Variants in C2orf69 observed in about 807,000 individuals in gnomAD.
The protein encoded by C2orf69 is mitochondrial protein C2orf69.
Under a neutral mutation model 29.5 loss-of-function variants are expected in C2orf69, and 19 were observed. The ratio of observed to expected loss-of-function variants is 0.65; its 90% CI spans 0.45 to 0.95. The LOEUF is 0.95. Ranked by LOEUF, C2orf69 falls within the 40% of genes least tolerant of loss-of-function variation. C2orf69 has a pLI of 0.00. For synonymous variants in C2orf69, 194 were observed against 180.0 expected, an observed-to-expected ratio of 1.08 and a Z score of -0.62; for missense variants, 416 against 482.1, an observed-to-expected ratio of 0.86 and a Z score of 1.28.
rs1196385075 is a variant in C2orf69 at position 199,925,120 on chromosome 2, T to C, written c.392T>C (p.Leu131Pro). 2 of 1,613,042 alleles carry C rather than the reference T, an allele frequency of 1.2e-6. No individual in the cohort carries two copies. Among genetic ancestry groups the C allele is most frequent in the Admixed American group, 1.7e-5 (1 of 59,954 alleles). Residue 131 changes from leucine (L) to proline (P), a missense_variant, in exon 2 of 2, where the codon CTA becomes CCA. Leu to Pro is a moderately conservative substitution (Grantham distance 98). Transcript: ENST00000319974. This position sits in a 1 kb window ranked among gnomAD's most constrained non-coding sequence, Gnocchi z 4.9. ...AATTATCAATGGGAAAACTGGAGTCTAGAAAATGTTGCTACCATTTTAGCC... is the reference window on the plus strand; with the variant it reads ...AATTATCAATGGGAAAACTGGAGTCCAGAAAATGTTGCTACCATTTTAGCC... ...PENYQWENWS[L>P]ENVATILAHR...
chr2:199,924,930 T>C, intron 1 of C2orf69, 132 bp from the exon 2 acceptor site: 1 of 598,846 alleles, frequency 1.7e-6, no homozygotes. Flanking sequence ...TTTATAGTTT[T>C]CATTTCTAGT....
In C2orf69 at chr2:199,926,421, CAT is replaced by C; in HGVS notation, c.*536_*537del. The C allele has an allele frequency of 6.4e-6, 1 of 155,508 alleles. No homozygotes were observed. Among genetic ancestry groups the C allele is most frequent in the South Asian group, 1.9e-4 (1 of 5,150 alleles). The allele number at this position is 155,508 out of a possible 1,614,324, so 9.6% of individuals were successfully genotyped here. The stretch of plus-strand genomic sequence containing the variant: ...TTCATGTGTCACCAAGTACTTTTCT[CAT>C]GAGAGTCAACATATATTTGTTTCCA... On this transcript the variant is annotated 3_prime_UTR_variant, in exon 2 of 2. Coordinates refer to ENST00000319974, the MANE Select transcript of C2orf69 (RefSeq NM_153689.6).
At chr2:199,916,786 G>GC (rs2077294356) in intron 1 of C2orf69, among the ~76,000 whole-genome samples, 1 of 152,180 alleles carries the variant, frequency 6.6e-6, no homozygotes. Flanking sequence ...GCAGGGTACA[G>GC]CCCCCCTCCA....
At position 199,928,233 on chromosome 2, in the gene C2orf69, G is replaced by C. The variant is rs1364275484; in HGVS notation, c.*2347G>C. 1 of 152,544 alleles carries C rather than the reference G, an allele frequency of 6.6e-6. No individual in the cohort carries two copies. Among genetic ancestry groups the C allele is most frequent in the African/African-American group, 2.4e-5 (1 of 41,412 alleles). The allele number at this position is 152,544 out of a possible 1,614,324, so 9.4% of individuals were successfully genotyped here. A position where few individuals can be genotyped will look rare whatever the true frequency, so the allele number is the denominator to read the frequency against. On this transcript the variant is annotated 3_prime_UTR_variant, in exon 2 of 2. Transcript: ENST00000319974. Reference sequence around the variant, plus strand: ...TAATGTGAAAGTTGTTACCACCACAGCATGAATGTATAATTGTATTAAAAT... The same window carrying C: ...TAATGTGAAAGTTGTTACCACCACACCATGAATGTATAATTGTATTAAAAT...
At chr2:199,917,414 C>T (rs181938758) in intron 1 of C2orf69, among the ~76,000 whole-genome samples, 2 of 152,212 alleles carry the variant, frequency 1.3e-5, no homozygotes, top group Non-Finnish European at 2.9e-5. Flanking sequence ...TTTATAGCAT[C>T]GTCAGGTTGC....
rs1488371769 is a variant in C2orf69 at position 199,924,918 on chromosome 2, A to G, written c.334-144A>G. On this transcript the variant is annotated intron_variant, in intron 1 of 1. Coordinates refer to ENST00000319974, the MANE Select transcript of C2orf69 (RefSeq NM_153689.6). ...ATCTTATTACTAGAAAGTAATGACA[A>G]ATTTATAGTTTTCATTTCTAGTGTA... 13 of 590,644 alleles carry G rather than the reference A, an allele frequency of 2.2e-5. No homozygotes were observed. In the Middle Eastern group the frequency reaches 1.3e-3, roughly 60 times the overall value. The allele number at this position is 590,644 out of a possible 1,614,324, so 36.6% of individuals were successfully genotyped here. A position where few individuals can be genotyped will look rare whatever the true frequency, so the allele number is the denominator to read the frequency against.
intron 1 of C2orf69, among the ~76,000 whole-genome samples, chr2:199,913,255 TAA>T (rs2077277769): frequency 2.1e-5 from 2 of 94,386 alleles, no homozygotes; most frequent in Non-Finnish European, 3.7e-5. Context: ...ATATATTATA[TAA>T]AATATATTCT....
At position 199,925,158 on chromosome 2, in the gene C2orf69, A is replaced by T. The variant is rs186306624; in HGVS notation, c.430A>T (p.Asn144Tyr). The T allele has an allele frequency of 4.3e-4, 694 of 1,613,128 alleles. 4 individuals carry two copies. The highest frequency in any genetic ancestry group is 3.8e-3 in the South Asian group (348 of 91,040). Reference protein sequence around the residue: ...VATILAHRFPNSYIWVIKCSR... With the variant: ...VATILAHRFPYSYIWVIKCSR... ...TACCATTTTAGCCCACCGGTTCCCC[A>T]ATAGTTATATTTGGGTGATAAAATG... The change falls in exon 2 of 2, where the codon AAT (asparagine) becomes TAT (tyrosine). Residue 144 changes from asparagine to tyrosine, a missense_variant. This residue lies in a region of C2orf69 where 225 missense variants were observed against 307.3 expected (regional missense o/e 0.73). Transcript: ENST00000319974. The surrounding 1 kb of genome is among the most constrained non-coding windows in gnomAD (Gnocchi z 4.9).
intron 1 of C2orf69, among the ~76,000 whole-genome samples, chr2:199,912,385 G>A (rs1405930987): frequency 6.6e-6 from 1 of 152,154 alleles, no homozygotes; most frequent in Non-Finnish European, 1.5e-5. Flanking sequence ...ATGTTGCCCT[G>A]AAAACTGGGT....
At chr2:199,912,583 T>G (rs1278049966) in intron 1 of C2orf69, among the ~76,000 whole-genome samples, 2 of 152,162 alleles carry the variant, frequency 1.3e-5, no homozygotes, top group African/African-American at 4.8e-5. Context: ...TCATAGAAAA[T>G]AATCCATCAT....
rs2077331702 is a variant in C2orf69, at chr2:199,925,362, A to G, written c.634A>G (p.Lys212Glu). ...LSKKSLNVWN[K>E]DSIASNCRSS... ...AAAGAAAAGTTTGAATGTTTGGAATAAGGACTCCATAGCATCTAACTGTAG... is the reference window on the plus strand; with the variant it reads ...AAAGAAAAGTTTGAATGTTTGGAATGAGGACTCCATAGCATCTAACTGTAG... The change falls in exon 2 of 2, where the codon AAG becomes GAG. Residue 212 changes from lysine (K) to glutamate (E), a missense_variant. Transcript: ENST00000319974. This position sits in a 1 kb window ranked among gnomAD's most constrained non-coding sequence, Gnocchi z 4.9. The G allele has an allele frequency of 6.2e-7, 1 of 1,613,696 alleles. No homozygotes were observed. The highest frequency in any genetic ancestry group is 8.5e-7 in the Non-Finnish European group (1 of 1,179,748).
intron 1 of C2orf69, among the ~76,000 whole-genome samples, chr2:199,912,006 C>A (rs1419484499): frequency 6.6e-6 from 1 of 152,170 alleles, no homozygotes; most frequent in African/African-American, 2.4e-5. Context: ...GCTACGATCT[C>A]GAAAGAGCCA....
intron 1 of C2orf69, among the ~76,000 whole-genome samples, chr2:199,919,961 C>G (rs2077307543): frequency 6.6e-6 from 1 of 152,172 alleles, no homozygotes; most frequent in Non-Finnish European, 1.5e-5. Context: ...TGGAGTGGGT[C>G]TCTGAGTTTT....
chr2:199,917,867 C>G lies in C2orf69; in HGVS notation c.333+6096C>G, dbSNP rs145617192. ...TCTCATGCTGCTAATAGAGACATAC[C>G]CAAGACTAGGTAATTTATAAAGCAA... On this transcript the variant is annotated intron_variant, in intron 1 of 1. Coordinates refer to ENST00000319974, the MANE Select transcript of C2orf69 (RefSeq NM_153689.6). Among the ~76,000 whole-genome samples, 14 of 152,206 alleles carry G rather than the reference C, an allele frequency of 9.2e-5. 1 individual carries two copies. The East Asian group carries it at 2.7e-3, about 29-fold the overall frequency.
intron 1 of C2orf69, among the ~76,000 whole-genome samples, chr2:199,915,949 A>G (rs2077291179): frequency 6.6e-6 from 1 of 152,154 alleles, no homozygotes; most frequent in Non-Finnish European, 1.5e-5. Context: ...GTTTTGTTGT[A>G]TGTCCTTTTT....
chr2:199,915,609 C>T (rs13407346), intron 1 of C2orf69, among the ~76,000 whole-genome samples: 10 of 150,776 alleles, frequency 6.6e-5, no homozygotes, highest in African/African-American at 2.4e-4. Flanking sequence ...CAGGCTCAAG[C>T]GATTCTCCTG....
In C2orf69 at chr2:199,913,486, ATAT is replaced by A. The variant is rs1406402850; in HGVS notation, c.333+1719_333+1721del. 3.9e-4 allele frequency among the ~76,000 whole-genome samples: 34 copies of A among 88,040 alleles called. 1 individual carries two copies. The highest frequency in any genetic ancestry group is 2.0e-3 in the South Asian group (6 of 3,052). 57.8% of individuals were successfully genotyped at this position (88,040 alleles called of 152,430 possible). On this transcript the variant is annotated intron_variant, in intron 1 of 1. Transcript: ENST00000319974. ...ATAAAATATATATTATATAAAATAT[ATAT>A]TATATTATATAAAATATATATTATA... is the stretch of plus-strand genomic sequence containing the variant.
intron 1 of C2orf69, among the ~76,000 whole-genome samples, chr2:199,916,945 C>T (rs2106636389): frequency 6.6e-6 from 1 of 152,310 alleles, no homozygotes; most frequent in Admixed American, 6.5e-5. Context: ...AAGTGTAGAG[C>T]CCCACATTTC....
intron 1 of C2orf69, among the ~76,000 whole-genome samples, chr2:199,913,258 AAT>A (rs1457031514): frequency 0.12 from 8,730 of 70,948 alleles, 808 homozygotes; most frequent in East Asian, 0.28. Flanking sequence ...TATTATATAA[AAT>A]ATATTCTATA....
Sources: gnomAD v4.1 joint callset for allele counts (sites outside exome capture counted in the v4.1 genomes callset) on GRCh38, gnomAD v4.1.1 for gene constraint, gnomAD v4.1.1 regional missense constraint, Gnocchi (gnomAD v3.1) non-coding constraint, MANE v1.5 for transcripts, NCBI Gene and HGNC (gene_info 2026-07-23, HGNC 2026-07-21) for gene names.